Variants in C10orf90 observed in about 807,000 individuals in gnomAD.
C10orf90 encodes the protein (E2-independent) E3 ubiquitin-conjugating enzyme FATS.
C10orf90 carries 56 observed loss-of-function variants against 62.5 expected under a neutral mutation model. The observed-to-expected ratio is 0.90, with a 90% confidence interval of 0.72 to 1.12. The LOEUF (loss-of-function observed/expected upper bound fraction) is 1.12. Ranked by LOEUF, C10orf90 falls within the 50% of genes most tolerant of loss-of-function variation. The probability of loss-of-function intolerance (pLI) is 0.00; values close to 1 mark genes in which losing one functional copy is unlikely to be tolerated. For missense variants in C10orf90, 970 were observed against 880.4 expected (o/e 1.10, Z -1.29); for synonymous variants, 386 against 340.4 (o/e 1.13, Z -1.47).
chr10:126,515,020 G>A (rs1863359319), intron 2 of C10orf90, among the ~76,000 whole-genome samples: 1 of 152,224 alleles, frequency 6.6e-6, no homozygotes, highest in Admixed American at 6.5e-5. Context: ...TGAGAAAGAA[G>A]AGATTTATGA....
chr10:126,565,185 T>TA (rs1554917213), intron 2 of C10orf90, among the ~76,000 whole-genome samples: 2 of 67,276 alleles, frequency 3.0e-5, no homozygotes, highest in African/African-American at 1.1e-4. Context: ...TTATGTAATA[T>TA]AATATTTATA....
chr10:126,524,829 C>A, intron 2 of C10orf90: 1 of 985,524 alleles, frequency 1.0e-6, no homozygotes, highest in Non-Finnish European at 1.2e-6. Flanking sequence ...GAGAGGGAGG[C>A]AGTCTCCACT....
chr10:126,478,749 G>T (rs557868577), intron 4 of C10orf90, among the ~76,000 whole-genome samples: 1 of 152,162 alleles, frequency 6.6e-6, no homozygotes, highest in Non-Finnish European at 1.5e-5. Flanking sequence ...GGGGGAGGAG[G>T]TTCTGCTGTC....
At chr10:126,644,563 G>T (rs1214396629) in intron 2 of C10orf90, among the ~76,000 whole-genome samples, 1 of 152,180 alleles carries the variant, frequency 6.6e-6, no homozygotes, top group Non-Finnish European at 1.5e-5. Flanking sequence ...GAGATACAAA[G>T]CCAAGAGCTC....
In C10orf90 at chr10:126,426,006, G is replaced by T. The variant is rs757743695; in HGVS notation, c.2337C>A (p.Ala779=). Residue 779 remains alanine, a synonymous_variant, in exon 9 of 10, where the codon GCC becomes GCA. Coordinates refer to ENST00000488181, the MANE Select transcript of C10orf90 (RefSeq NM_001350921.2). ...RVILQSNRLR[A]EVFKKQLLDQ... ...AGGCCATTACCTTTTTGAAGACTTC[G>T]GCACGGAGTCTGTTACTTTGTAAGA... 1 of 1,614,098 alleles carries T rather than the reference G, an allele frequency of 6.2e-7. No individual in the cohort carries two copies. The highest frequency in any genetic ancestry group is 2.2e-5 in the East Asian group (1 of 44,878).
intron 3 of C10orf90, among the ~76,000 whole-genome samples, chr10:126,506,067 G>A (rs1862714411): frequency 6.6e-6 from 1 of 152,172 alleles, no homozygotes; most frequent in African/African-American, 2.4e-5. Context: ...GGGGGACAGG[G>A]GACACTGGAC....
At chr10:126,518,055 T>G (rs1229741352) in intron 2 of C10orf90, among the ~76,000 whole-genome samples, 1 of 34,394 alleles carries the variant, frequency 2.9e-5, no homozygotes, top group Non-Finnish European at 4.8e-5. Context: ...CCCTCACTCT[T>G]GTATGTTTTT....
intron 2 of C10orf90, chr10:126,521,239 T>G: frequency 6.4e-7 from 1 of 1,574,074 alleles, no homozygotes. Flanking sequence ...GTGGACAGAA[T>G]GAACAGATTA....
rs1284999443 is a variant in C10orf90 at position 126,459,183 on chromosome 10, G to C, written c.2045C>G (p.Ser682Cys). 6.2e-7 allele frequency: 1 copy of C among 1,614,146 alleles called. No homozygotes were observed. The change falls in exon 7 of 10, where the codon TCT (serine) becomes TGT (cysteine). Residue 682 changes from serine to cysteine, a missense_variant. Ser to Cys is a moderately radical substitution (Grantham distance 112). Transcript: ENST00000488181. ...ALEVRKPQFI[S>C]RSQERLKKLE... is the part of the protein sequence containing the mutation. ...CTTCTTCAGCCGTTCTTGTGAGCGA[G>C]AAATGAACTGAGGCTTACGAACTTC...
At chr10:126,494,167 T>A (rs1861914851) in intron 4 of C10orf90, among the ~76,000 whole-genome samples, 1 of 152,220 alleles carries the variant, frequency 6.6e-6, no homozygotes, top group Non-Finnish European at 1.5e-5. Context: ...AAGCCTCTAT[T>A]TTCTTAAAAC....
intron 2 of C10orf90, among the ~76,000 whole-genome samples, chr10:126,526,085 G>A (rs1863935403): frequency 6.7e-6 from 1 of 149,588 alleles, no homozygotes; most frequent in Non-Finnish European, 1.5e-5. Flanking sequence ...GCAAAGAGGG[G>A]CAGGGCTCTC....
intron 2 of C10orf90, among the ~76,000 whole-genome samples, chr10:126,541,060 C>A (rs1024511662): frequency 6.6e-6 from 1 of 151,466 alleles, no homozygotes; most frequent in Non-Finnish European, 1.5e-5. Flanking sequence ...CTAAAGAAGA[C>A]AAAATATCTA....
chr10:126,607,388 C>T (rs1845335725), intron 2 of C10orf90, among the ~76,000 whole-genome samples: 1 of 152,094 alleles, frequency 6.6e-6, no homozygotes, highest in South Asian at 2.1e-4. Flanking sequence ...CATGAAACAC[C>T]ACTTTAACTT....
chr10:126,641,355 C>T (rs1846054373), intron 2 of C10orf90, among the ~76,000 whole-genome samples: 2 of 152,068 alleles, frequency 1.3e-5, no homozygotes, highest in African/African-American at 4.8e-5. Flanking sequence ...AACAATCATC[C>T]TCAAGTTTTA....
intron 4 of C10orf90, chr10:126,469,726 T>A (rs746224100): frequency 1.1e-5 from 4 of 373,068 alleles, no homozygotes; most frequent in South Asian, 8.1e-5. Flanking sequence ...GCATTTTATA[T>A]GTAGTGTCTC....
chr10:126,581,173 C>T (rs997205736), intron 2 of C10orf90, among the ~76,000 whole-genome samples: 6 of 152,190 alleles, frequency 3.9e-5, no homozygotes, highest in Admixed American at 6.5e-5. Context: ...CTCATTCCTC[C>T]GTCTCATGTA....
chr10:126,565,322 T>G (rs1237580676), intron 2 of C10orf90, among the ~76,000 whole-genome samples: 2 of 54,760 alleles, frequency 3.7e-5, no homozygotes, highest in Non-Finnish European at 6.1e-5. Flanking sequence ...TTATATATAT[T>G]ATATATTTAT....
At chr10:126,652,318 A>G (rs975995068) in intron 1 of C10orf90, among the ~76,000 whole-genome samples, 1 of 152,194 alleles carries the variant, frequency 6.6e-6, no homozygotes, top group African/African-American at 2.4e-5. Flanking sequence ...ATTGCCTTTT[A>G]TTACTGAGAT....
At chr10:126,663,515 C>T (rs963207654) in intron 1 of C10orf90, among the ~76,000 whole-genome samples, 2 of 152,162 alleles carry the variant, frequency 1.3e-5, no homozygotes, top group Non-Finnish European at 2.9e-5. Context: ...CTGTGGTGAG[C>T]TTCAATGAGG....
Sources: gnomAD v4.1 joint callset for allele counts (sites outside exome capture counted in the v4.1 genomes callset) on GRCh38, gnomAD v4.1.1 for gene constraint, MANE v1.5 for transcripts, NCBI Gene and HGNC (gene_info 2026-07-23, HGNC 2026-07-21) for gene names.